Variants in NAA25 observed in about 807,000 individuals in gnomAD.
NAA25 encodes the protein N-alpha-acetyltransferase 25, NatB auxiliary subunit.
In NAA25, 30 loss-of-function variants were observed where a neutral mutation model predicts 132.5. The observed-to-expected ratio is 0.23, with a 90% CI of 0.17 to 0.31. The LOEUF (loss-of-function observed/expected upper bound fraction) is 0.31. Among genes scored for constraint, NAA25 ranks in the 10% least tolerant of loss-of-function variants. The probability of loss-of-function intolerance (pLI) is 1.00; values close to 1 mark genes in which losing one functional copy is unlikely to be tolerated. For synonymous variants in NAA25, 359 were observed against 401.9 expected (o/e 0.89, Z 1.28); for missense variants, 771 against 1,150.4 (o/e 0.67, Z 4.77).
chr12:112,090,959 G>A, intron 2 of NAA25, 95 bp from the exon 3 acceptor site: 1 of 1,237,308 alleles, frequency 8.1e-7, no homozygotes, highest in Non-Finnish European at 1.1e-6. Flanking sequence ...ATTAAGTTAT[G>A]CCTAGGTTGC....
rs553833536 is a variant in NAA25 at position 112,066,150 on chromosome 12, G to C, written c.1149+2730C>G. ...GATTCTCAAACACACCAATGAAGTAGAGCTGTACAGAAAAGGTTACTGGTA... is the reference window on the plus strand; with the variant it reads ...GATTCTCAAACACACCAATGAAGTACAGCTGTACAGAAAAGGTTACTGGTA... On this transcript the variant is annotated intron_variant, in intron 11 of 23. Transcript: ENST00000261745. 2.0e-5 allele frequency among the ~76,000 whole-genome samples: 3 copies of C among 152,236 alleles called. No homozygotes were observed. The South Asian group carries it at 6.2e-4, about 32-fold the overall frequency.
chr12:112,105,626 G>A (rs981259989), intron 1 of NAA25, among the ~76,000 whole-genome samples: 3 of 152,122 alleles, frequency 2.0e-5, no homozygotes, highest in African/African-American at 7.2e-5. Flanking sequence ...TACCCTCAAT[G>A]AATTCCAGCA....
intron 10 of NAA25, 69 bp downstream of exon 10, chr12:112,071,826 C>CGGTTGTCGCCGA: frequency 8.0e-7 from 1 of 1,247,880 alleles, no homozygotes; most frequent in Non-Finnish European, 1.1e-6. Context: ...GTGTAGATCT[C>CGGTTGTCGCCGA]AACTAATGAA....
chr12:112,066,040 A>G (rs1055346100), intron 11 of NAA25, among the ~76,000 whole-genome samples: 46 of 152,358 alleles, frequency 3.0e-4, no homozygotes, highest in Admixed American at 5.9e-4. Flanking sequence ...CAGAGCAGTG[A>G]CTAGAGCTTA....
rs2078104475 is a variant in NAA25, at chr12:112,027,927, TCAAAA to T, written c.*1599_*1603del. ...ATATGACCAGCTGTTGCTACTCATA[TCAAAA>T]ATAAATTTTTGAAATTAGTTGATGG... On this transcript the variant is annotated 3_prime_UTR_variant, in exon 24 of 24. Coordinates refer to ENST00000261745, the MANE Select transcript of NAA25 (RefSeq NM_024953.4). The T allele has an allele frequency of 6.6e-6, 1 of 152,238 alleles. No individual in the cohort carries two copies. Among genetic ancestry groups the T allele is most frequent in the East Asian group, 1.9e-4 (1 of 5,200 alleles). The allele number at this position is 152,238 out of a possible 1,614,324, so 9.4% of individuals were successfully genotyped here.
intron 14 of NAA25, 50 bp downstream of exon 14, chr12:112,054,338 C>G (rs747431567): frequency 6.6e-7 from 1 of 1,513,450 alleles, no homozygotes; most frequent in Non-Finnish European, 9.1e-7. Context: ...TCCTGTGTAC[C>G]CCACACTGGT....
intron 14 of NAA25, among the ~76,000 whole-genome samples, chr12:112,054,048 C>T (rs1792533970): frequency 6.6e-6 from 1 of 152,118 alleles, no homozygotes; most frequent in Non-Finnish European, 1.5e-5. Context: ...CAAATTCAAA[C>T]TTTGTTGAGG....
intron 13 of NAA25, among the ~76,000 whole-genome samples, chr12:112,059,093 A>C (rs954728615): frequency 5.3e-5 from 4 of 74,922 alleles, no homozygotes; most frequent in East Asian, 6.8e-3. Flanking sequence ...AAAAAAAAAA[A>C]AAAAAAAAAA....
intron 9 of NAA25, among the ~76,000 whole-genome samples, chr12:112,073,275 C>CA (rs1011044562): frequency 9.9e-5 from 15 of 151,824 alleles, no homozygotes; most frequent in African/African-American, 3.6e-4. Flanking sequence ...CACACACACA[C>CA]ACACACACAC....
intron 11 of NAA25, among the ~76,000 whole-genome samples, chr12:112,063,382 AG>A (rs1177834661): frequency 6.6e-6 from 1 of 152,224 alleles, no homozygotes; most frequent in Admixed American, 6.5e-5. Context: ...AAGTGTGAGT[AG>A]AACAGCCTGG....
chr12:112,073,477 C>T (rs1209252717), intron 9 of NAA25, among the ~76,000 whole-genome samples: 1 of 152,148 alleles, frequency 6.6e-6, no homozygotes, highest in Non-Finnish European at 1.5e-5. Flanking sequence ...TGCTCTGTCG[C>T]CCAGGCTGGA....
chr12:112,077,300 C>T (rs1265881737), intron 7 of NAA25, among the ~76,000 whole-genome samples: 1 of 151,756 alleles, frequency 6.6e-6, no homozygotes, highest in African/African-American at 2.4e-5. Flanking sequence ...TGTTGAAACC[C>T]CGTCTCTACT....
At position 112,029,151 on chromosome 12, in the gene NAA25, A is replaced by G. The variant is rs185256045; in HGVS notation, c.*380T>C. On this transcript the variant is annotated 3_prime_UTR_variant, in exon 24 of 24. Coordinates refer to ENST00000261745, the MANE Select transcript of NAA25 (RefSeq NM_024953.4). Reference sequence around the variant, plus strand: ...CCAAAAACTCTCAATGTTATTTATAATGGAAGGGCTATTCAGTTGCTATGA... The same window carrying G: ...CCAAAAACTCTCAATGTTATTTATAGTGGAAGGGCTATTCAGTTGCTATGA... The G allele has an allele frequency of 1.7e-5, 3 of 173,692 alleles. No homozygotes were observed. The highest frequency in any genetic ancestry group is 1.7e-4 in the Admixed American group (3 of 17,396). The allele number at this position is 173,692 out of a possible 1,614,324, so 10.8% of individuals were successfully genotyped here.
chr12:112,090,967 TGCTGATATACTAGTTTCAG>T, intron 2 of NAA25, 103 bp from the exon 3 acceptor site: 1 of 1,160,328 alleles, frequency 8.6e-7, no homozygotes. Context: ...ATGCCTAGGT[TGCTGATATACTAGTTTCAG>T]GCTGGGTGCG....
At chr12:112,082,204 T>A (rs750882947) in intron 4 of NAA25, among the ~76,000 whole-genome samples, 19 of 152,080 alleles carry the variant, frequency 1.2e-4, no homozygotes, top group Non-Finnish European at 2.6e-4. Flanking sequence ...GCAGAGATCG[T>A]GCCACTGCAC....
chr12:112,030,685 G>A (rs1373280685), intron 23 of NAA25, among the ~76,000 whole-genome samples: 1 of 152,210 alleles, frequency 6.6e-6, no homozygotes, highest in African/African-American at 2.4e-5. Flanking sequence ...GCCTAGAACT[G>A]TAGAAGAAAC....
At chr12:112,090,625 T>A in intron 3 of NAA25, 101 bp downstream of exon 3, 1 of 1,191,918 alleles carries the variant, frequency 8.4e-7, no homozygotes, top group South Asian at 1.4e-5. Context: ...ACCTACTGTA[T>A]CCATTCAAAT....
At chr12:112,072,670 G>A (rs2078831506) in intron 9 of NAA25, among the ~76,000 whole-genome samples, 2 of 152,042 alleles carry the variant, frequency 1.3e-5, no homozygotes, top group African/African-American at 4.8e-5. Flanking sequence ...TGGGTGTGGT[G>A]GCTCACACCT....
At chr12:112,072,506 G>A (rs1287828234) in intron 9 of NAA25, among the ~76,000 whole-genome samples, 1 of 151,874 alleles carries the variant, frequency 6.6e-6, no homozygotes, top group African/African-American at 2.4e-5. Context: ...CTACTCAGGA[G>A]GCTGAGGCAG....
Sources: gnomAD v4.1 joint callset for allele counts (sites outside exome capture counted in the v4.1 genomes callset) on GRCh38, gnomAD v4.1.1 for gene constraint, MANE v1.5 for transcripts, NCBI Gene and HGNC (gene_info 2026-07-23, HGNC 2026-07-21) for gene names.